Variants in AGAP1 observed in about 807,000 individuals in gnomAD.
AGAP1 encodes the protein ArfGAP with GTPase domain, ankyrin repeat and PH domain 1.
A neutral mutation model predicts 105.3 loss-of-function variants in AGAP1; 29 were observed. The observed-to-expected ratio is 0.28, with a 90% CI of 0.21 to 0.38. The LOEUF is 0.38. AGAP1 is among the 10% of genes least tolerant of loss of function. The pLI, the probability that AGAP1 is intolerant of heterozygous loss-of-function variation, is 1.00. For missense variants in AGAP1, 998 were observed against 1,165.1 expected, an observed-to-expected ratio of 0.86 and a Z score of 2.09; for synonymous variants, 509 against 485.9, an observed-to-expected ratio of 1.05 and a Z score of -0.63.
In AGAP1 at chr2:235,612,374, A is replaced by G. The variant is rs1946156512; in HGVS notation, c.164-96805A>G. ...TTGCATTTAATGTGTGTGCATAATC[A>G]GAGGGCAAGGACAGCAGTAAATAAT... is the stretch of plus-strand genomic sequence containing the variant. On this transcript the variant is annotated intron_variant, in intron 1 of 17. Coordinates refer to ENST00000304032, the MANE Select transcript of AGAP1 (RefSeq NM_001037131.3). The surrounding 1 kb of genome is among the most constrained non-coding windows in gnomAD (Gnocchi z 4.3). Among the ~76,000 whole-genome samples, 1 of 152,188 alleles carries G rather than the reference A, an allele frequency of 6.6e-6. No homozygotes were observed. Among genetic ancestry groups the G allele is most frequent in the Non-Finnish European group, 1.5e-5 (1 of 68,040 alleles).
chr2:236,038,744 G>A lies in AGAP1; in HGVS notation c.1801-2007G>A, dbSNP rs1207207034. Among the ~76,000 whole-genome samples the A allele has an allele frequency of 6.6e-6, 1 of 152,104 alleles. No individual in the cohort carries two copies. The highest frequency in any genetic ancestry group is 1.5e-5 in the Non-Finnish European group (1 of 68,030). On this transcript the variant is annotated intron_variant, in intron 14 of 17. Transcript: ENST00000304032. This position sits in a 1 kb window ranked among gnomAD's most constrained non-coding sequence, Gnocchi z 4.5. ...GAGAGCTGATACAGGTATAGGCATA[G>A]CTAGACAGACAGACAAACCAACCAA...
chr2:236,052,772 C>T (rs2125721369), intron 16 of AGAP1, among the ~76,000 whole-genome samples: 1 of 152,168 alleles, frequency 6.6e-6, no homozygotes, highest in South Asian at 2.1e-4. Flanking sequence ...TGCCCTTTGT[C>T]CCCCTCTGTA....
intron 9 of AGAP1, among the ~76,000 whole-genome samples, chr2:235,812,660 T>G (rs531708919): frequency 5.0e-4 from 76 of 152,354 alleles, no homozygotes; most frequent in African/African-American, 1.7e-3. Flanking sequence ...ACGCTGAAAC[T>G]TGATAGAGAT....
rs1418767642 is a variant in AGAP1 at position 235,864,936 on chromosome 2, C to T, written c.1051-18409C>T. On this transcript the variant is annotated intron_variant, in intron 9 of 17. Transcript: ENST00000304032. The surrounding 1 kb of genome is among the most constrained non-coding windows in gnomAD (Gnocchi z 5.0). ...CAGACCTAATGTGAACCATACATCT[C>T]GTCGGCATTACTCATCGTCAACATG... 3.3e-5 allele frequency among the ~76,000 whole-genome samples: 5 copies of T among 152,102 alleles called. No individual in the cohort carries two copies. The highest frequency in any genetic ancestry group is 6.5e-5 in the Admixed American group (1 of 15,270).
intron 13 of AGAP1, among the ~76,000 whole-genome samples, chr2:235,980,204 T>C (rs1343559060): frequency 6.6e-6 from 1 of 152,210 alleles, no homozygotes; most frequent in Non-Finnish European, 1.5e-5. Context: ...CATCTTCTAG[T>C]CAATTATGCA....
chr2:235,678,981 G>A (rs1448998957), intron 1 of AGAP1, among the ~76,000 whole-genome samples: 3 of 152,154 alleles, frequency 2.0e-5, no homozygotes, highest in Non-Finnish European at 2.9e-5. Context: ...GATCTTAATC[G>A]GATTCTCCCT....
rs150115005 is a variant in AGAP1 at position 235,792,368 on chromosome 2, C to A, written c.674-5391C>A. On this transcript the variant is annotated intron_variant, in intron 6 of 17. Transcript: ENST00000304032. The surrounding 1 kb of genome is among the most constrained non-coding windows in gnomAD (Gnocchi z 5.3). The stretch of plus-strand genomic sequence containing the variant: ...TCCAGGAGAGACTATGGTCCTTATC[C>A]AGTAGTACTAATGTGCGGAAATACC... 6.6e-6 allele frequency among the ~76,000 whole-genome samples: 1 copy of A among 152,142 alleles called. No homozygotes were observed. Among genetic ancestry groups the A allele is most frequent in the Non-Finnish European group, 1.5e-5 (1 of 68,040 alleles).
In AGAP1 at chr2:235,962,864, C is replaced by G. The variant is rs2054248076; in HGVS notation, c.1484-5598C>G. ...GGGCATTTTTCAGCACCTCTGGCTT[C>G]TACCATCTGATGCCTGTAGCACCTC... On this transcript the variant is annotated intron_variant, in intron 12 of 17. Coordinates refer to ENST00000304032, the MANE Select transcript of AGAP1 (RefSeq NM_001037131.3). This position sits in a 1 kb window ranked among gnomAD's most constrained non-coding sequence, Gnocchi z 5.3. 6.6e-6 allele frequency among the ~76,000 whole-genome samples: 1 copy of G among 152,144 alleles called. No individual in the cohort carries two copies. Among genetic ancestry groups the G allele is most frequent in the Admixed American group, 6.5e-5 (1 of 15,270 alleles).
In AGAP1 at chr2:235,612,682, G is replaced by A. The variant is rs1009498325; in HGVS notation, c.164-96497G>A. On this transcript the variant is annotated intron_variant, in intron 1 of 17. Coordinates refer to ENST00000304032, the MANE Select transcript of AGAP1 (RefSeq NM_001037131.3). The surrounding 1 kb of genome is among the most constrained non-coding windows in gnomAD (Gnocchi z 4.3). ...TGGGAAATCCTGACCAGCGCATCCA[G>A]GGTTGCTTGGGCACAGTGGTCCTTT... Among the ~76,000 whole-genome samples, 3 of 152,282 alleles carry A rather than the reference G, an allele frequency of 2.0e-5. No individual in the cohort carries two copies. Among genetic ancestry groups the A allele is most frequent in the Admixed American group, 6.5e-5 (1 of 15,304 alleles).
chr2:235,629,928 C>T (rs1364186901), intron 1 of AGAP1, among the ~76,000 whole-genome samples: 4 of 150,518 alleles, frequency 2.7e-5, no homozygotes, highest in African/African-American at 7.3e-5. Flanking sequence ...GAATAGACTT[C>T]ATGACAGACA....
intron 11 of AGAP1, among the ~76,000 whole-genome samples, chr2:235,925,469 G>A (rs752886786): frequency 3.3e-5 from 5 of 152,166 alleles, no homozygotes; most frequent in Admixed American, 6.5e-5. Context: ...CTGGGGCTGA[G>A]GGTTGGGGCG....
Position 235,877,626 on chromosome 2 carries a change from A to G in AGAP1, c.1051-5719A>G, listed in dbSNP as rs371412463. 4.6e-5 allele frequency among the ~76,000 whole-genome samples: 7 copies of G among 152,190 alleles called. No individual in the cohort carries two copies. The highest frequency in any genetic ancestry group is 2.1e-4 in the South Asian group (1 of 4,830). ...ATGACCTAGGAAGTCGGAGATGCCA[A>G]CTCGGGCAGTGGAATCCAGTGGTGG... On this transcript the variant is annotated intron_variant, in intron 9 of 17. Coordinates refer to ENST00000304032, the MANE Select transcript of AGAP1 (RefSeq NM_001037131.3). The surrounding 1 kb of genome is among the most constrained non-coding windows in gnomAD (Gnocchi z 4.3).
chr2:236,102,861 G>A (rs2125911926), intron 16 of AGAP1, among the ~76,000 whole-genome samples: 1 of 152,246 alleles, frequency 6.6e-6, no homozygotes, highest in Admixed American at 6.5e-5. Flanking sequence ...GGAACATTCT[G>A]GATGTTTTGC....
intron 1 of AGAP1, chr2:235,670,355 C>G (rs145565800): frequency 0.025 from 13,279 of 523,454 alleles, 716 homozygotes; most frequent in African/African-American, 0.1. Flanking sequence ...GGAGGGTCCC[C>G]GGCCGCGCGC....
chr2:236,097,824 C>T (rs1214663959), intron 16 of AGAP1, among the ~76,000 whole-genome samples: 6 of 152,128 alleles, frequency 3.9e-5, no homozygotes, highest in Admixed American at 2.0e-4. Context: ...TACAAACTCC[C>T]ACTTCCCCTG....
chr2:236,074,403 G>C (rs1559249444), intron 16 of AGAP1, among the ~76,000 whole-genome samples: 1 of 152,182 alleles, frequency 6.6e-6, no homozygotes, highest in Admixed American at 6.5e-5. Flanking sequence ...TGGGTGTTCT[G>C]TGCACACTCT....
At position 235,960,686 on chromosome 2, in the gene AGAP1, T is replaced by C. The variant is rs1183332725; in HGVS notation, c.1484-7776T>C. 6.6e-6 allele frequency among the ~76,000 whole-genome samples: 1 copy of C among 152,198 alleles called. No homozygotes were observed. The highest frequency in any genetic ancestry group is 6.5e-5 in the Admixed American group (1 of 15,282). Reference sequence around the variant, plus strand: ...CAAGCAAGAAATTTGATAGGCATTCTCTTCACTCTAGAAATCAGCCCCGTG... The same window carrying C: ...CAAGCAAGAAATTTGATAGGCATTCCCTTCACTCTAGAAATCAGCCCCGTG... On this transcript the variant is annotated intron_variant, in intron 12 of 17. Transcript: ENST00000304032. The surrounding 1 kb of genome is among the most constrained non-coding windows in gnomAD (Gnocchi z 4.9).
intron 1 of AGAP1, among the ~76,000 whole-genome samples, chr2:235,530,579 T>C (rs569675224): frequency 1.3e-5 from 2 of 152,264 alleles, no homozygotes; most frequent in East Asian, 3.9e-4. Flanking sequence ...CCTTGGCTCA[T>C]GGCCCCTTCC....
Position 235,865,719 on chromosome 2 carries a change from C to G in AGAP1, c.1051-17626C>G, listed in dbSNP as rs2049137444. On this transcript the variant is annotated intron_variant, in intron 9 of 17. Transcript: ENST00000304032. The surrounding 1 kb of genome is among the most constrained non-coding windows in gnomAD (Gnocchi z 6.2). The stretch of plus-strand genomic sequence containing the variant: ...TAAAAAGCTCAGTTAAGGGGGGATT[C>G]CTGCTGTTCCTATGGAAACACTTTA... Among the ~76,000 whole-genome samples the G allele has an allele frequency of 6.6e-6, 1 of 152,118 alleles. No homozygotes were observed.
Sources: gnomAD v4.1 joint callset for allele counts (sites outside exome capture counted in the v4.1 genomes callset) on GRCh38, gnomAD v4.1.1 for gene constraint, Gnocchi (gnomAD v3.1) non-coding constraint, MANE v1.5 for transcripts, NCBI Gene and HGNC (gene_info 2026-07-23, HGNC 2026-07-21) for gene names.